Variants in ZNF75D observed in about 807,000 individuals in gnomAD.
ZNF75D encodes zinc finger protein 75D.
Under a neutral mutation model 33.3 loss-of-function variants are expected in ZNF75D, and 33 were observed. The observed-to-expected ratio is 0.99, with a 90% CI of 0.75 to 1.32. The LOEUF is 1.32. Among genes scored for constraint, ZNF75D ranks in the 40% most tolerant of loss-of-function variants. The probability of loss-of-function intolerance (pLI) is 0.00; values close to 1 mark genes in which losing one functional copy is unlikely to be tolerated. For synonymous variants in ZNF75D, 113 were observed against 130.6 expected (o/e 0.87, Z 0.92); for missense variants, 338 against 367.5 (o/e 0.92, Z 0.66).
chrX:135,312,774 G>A (rs1237804345), intron 1 of ZNF75D, among the ~76,000 whole-genome samples: 5 of 108,834 alleles, frequency 4.6e-5, no homozygotes, highest in Non-Finnish European at 7.6e-5. Flanking sequence ...TACTTTTTTC[G>A]TATACCTGTT....
At chrX:135,297,232 T>G (rs2084143478) in intron 1 of ZNF75D, 1 of 112,084 alleles carries the variant, frequency 8.9e-6, no homozygotes, top group African/African-American at 3.2e-5. Context: ...AAAAAGCACC[T>G]GTTTGATTCT....
At chrX:135,335,771 T>C (rs2084703284) in intron 1 of ZNF75D, among the ~76,000 whole-genome samples, 1 of 111,726 alleles carries the variant, frequency 9.0e-6, no homozygotes, top group Non-Finnish European at 1.9e-5. Context: ...AGCTCAATGA[T>C]CCACCGCAAG....
intron 1 of ZNF75D, among the ~76,000 whole-genome samples, chrX:135,314,860 T>C (rs1429227978): frequency 1.8e-5 from 2 of 111,963 alleles, no homozygotes; most frequent in Non-Finnish European, 3.8e-5. Context: ...TTGGGTCTTC[T>C]CTCTTCTTGA....
chrX:135,253,760 A>G (rs2083792871), intron 2 of ZNF75D, among the ~76,000 whole-genome samples: 2 of 107,743 alleles, frequency 1.9e-5, no homozygotes, highest in Admixed American at 2.0e-4. Flanking sequence ...AATCTGAAAA[A>G]CACTGCAAAG....
chrX:135,298,728 C>A lies in ZNF75D; in HGVS notation c.-390-2689G>T, dbSNP rs189605177. 8.1e-5 allele frequency: 9 copies of A among 111,510 alleles called. No homozygotes were observed. In the Admixed American group the frequency reaches 8.6e-4, roughly 11 times the overall value. 9.2% of individuals were successfully genotyped at this position (111,510 alleles called of 1,213,427 possible). ...AATCAATTATAGAATATTTACCTCA[C>A]CCCGCAAAAAAATATTGAACCATGC... On this transcript the variant is annotated intron_variant, in intron 1 of 6. Coordinates refer to ENST00000370766, the MANE Select transcript of ZNF75D (RefSeq NM_007131.5).
downstream of ZNF75D, among the ~76,000 whole-genome samples, chrX:135,280,894 G>A (rs991740597): frequency 8.9e-6 from 1 of 111,875 alleles, no homozygotes; most frequent in Non-Finnish European, 1.9e-5. Context: ...TGGGTAGTCC[G>A]ACCTTTCTCT....
At chrX:135,315,998 C>T (rs5930688) in intron 1 of ZNF75D, among the ~76,000 whole-genome samples, 28,126 of 111,228 alleles carry the variant, frequency 0.25, 2,816 homozygotes, top group South Asian at 0.43. Flanking sequence ...TGTATAATCT[C>T]TGTTCCTTTT....
At position 135,303,855 on chromosome X, in the gene ZNF75D, G is replaced by A. The variant is rs140222777; in HGVS notation, c.-390-7816C>T. Among the ~76,000 whole-genome samples the A allele has an allele frequency of 9.1e-3, 1,021 of 112,392 alleles. 5 individuals carry two copies. The highest frequency in any genetic ancestry group is 0.015 in the Admixed American group (164 of 10,659). On this transcript the variant is annotated intron_variant, in intron 1 of 6. Transcript: ENST00000370766. ...TATAGCCTCTTTCTAAGCCCCTATA[G>A]CCTGCATTGCTGTAAACAGGCACTA...
At chrX:135,261,333 T>A (rs1055814632) in intron 1 of ZNF75D, among the ~76,000 whole-genome samples, 26 of 112,188 alleles carry the variant, frequency 2.3e-4, no homozygotes, top group African/African-American at 8.1e-4. Context: ...CAGAGCTGAG[T>A]TCAGGTCCTG....
rs1292369887 is a variant in ZNF75D at position 135,286,182 on chromosome X, A to C, written c.*955T>G. 1 of 111,847 alleles carries C rather than the reference A, an allele frequency of 8.9e-6. No individual in the cohort carries two copies. Among genetic ancestry groups the C allele is most frequent in the African/African-American group, 3.3e-5 (1 of 30,700 alleles). The allele number at this position is 111,847 out of a possible 1,213,427, so 9.2% of individuals were successfully genotyped here. A position where few individuals can be genotyped will look rare whatever the true frequency, so the allele number is the denominator to read the frequency against. On this transcript the variant is annotated 3_prime_UTR_variant, in exon 7 of 7. Coordinates refer to ENST00000370766, the MANE Select transcript of ZNF75D (RefSeq NM_007131.5). ...AAGGCTCTCCTTGCCATTCTCAATA[A>C]ATCAGTTTTGCAAAATCTCCAGGCC...
chrX:135,261,795 C>T (rs1167970938), intron 1 of ZNF75D, among the ~76,000 whole-genome samples: 1 of 111,711 alleles, frequency 9.0e-6, no homozygotes, highest in Non-Finnish European at 1.9e-5. Flanking sequence ...AGCTTATTTA[C>T]CTTTAAGGTT....
chrX:135,295,055 G>A (rs1365813701), intron 2 of ZNF75D, among the ~76,000 whole-genome samples: 1 of 111,921 alleles, frequency 8.9e-6, no homozygotes, highest in Non-Finnish European at 1.9e-5. Flanking sequence ...GAGAGATGGT[G>A]ATGATTAAGG....
At chrX:135,299,798 T>A (rs1282499723) in intron 1 of ZNF75D, among the ~76,000 whole-genome samples, 1 of 112,620 alleles carries the variant, frequency 8.9e-6, no homozygotes, top group African/African-American at 3.2e-5. Context: ...TTGTGTATGA[T>A]CTAAGATAGA....
intron 2 of ZNF75D, among the ~76,000 whole-genome samples, chrX:135,253,745 C>T (rs2148457387): frequency 9.3e-6 from 1 of 107,787 alleles, no homozygotes; most frequent in African/African-American, 3.4e-5. Context: ...ATCTCTCCCA[C>T]CATCAATCTG....
At position 135,287,082 on chromosome X, in the gene ZNF75D, A is replaced by T; in HGVS notation, c.*55T>A. ...ACAGATTCCTATCATTGGGTGCCTC[A>T]TAATTTTGTATTCTTTCACCACTTC... On this transcript the variant is annotated 3_prime_UTR_variant, in exon 7 of 7. Coordinates refer to ENST00000370766, the MANE Select transcript of ZNF75D (RefSeq NM_007131.5). 9.8e-7 allele frequency: 1 copy of T among 1,016,222 alleles called. No individual in the cohort carries two copies. Among genetic ancestry groups the T allele is most frequent in the Non-Finnish European group, 1.4e-6 (1 of 737,603 alleles). The allele number at this position is 1,016,222 out of a possible 1,213,427, so 83.7% of individuals were successfully genotyped here.
chrX:135,270,423 A>G (rs1160156838), intron 1 of ZNF75D, among the ~76,000 whole-genome samples: 13 of 99,335 alleles, frequency 1.3e-4, no homozygotes, highest in African/African-American at 1.8e-4. Context: ...ATATACATAT[A>G]TATTATGTAC....
downstream of ZNF75D, among the ~76,000 whole-genome samples, chrX:135,284,253 A>C (rs1291322195): frequency 8.9e-6 from 1 of 112,242 alleles, no homozygotes; most frequent in Non-Finnish European, 1.9e-5. Flanking sequence ...GCTCATGTCT[A>C]TTAGCCATGT....
chrX:135,321,935 TCTAA>T (rs1281291648), intron 1 of ZNF75D, among the ~76,000 whole-genome samples: 1 of 112,187 alleles, frequency 8.9e-6, no homozygotes, highest in African/African-American at 3.2e-5. Context: ...GAGTAGTTTA[TCTAA>T]CTAACTTGTT....
At position 135,320,047 on chromosome X, in the gene ZNF75D, C is replaced by T. The variant is rs1186530666; in HGVS notation, c.-391+21721G>A. On this transcript the variant is annotated intron_variant, in intron 1 of 6. Transcript: ENST00000370766. ...AGGTGGCTCATGCCTGTAATCCCAG[C>T]ACTTTGGGAGGCCAAGGCAGGCAGG... Among the ~76,000 whole-genome samples the T allele has an allele frequency of 3.6e-5, 4 of 112,236 alleles. No individual in the cohort carries two copies. The Admixed American group carries it at 3.8e-4, about 11-fold the overall frequency.
Sources: gnomAD v4.1 joint callset for allele counts (sites outside exome capture counted in the v4.1 genomes callset) on GRCh38, gnomAD v4.1.1 for gene constraint, MANE v1.5 for transcripts, NCBI Gene and HGNC (gene_info 2026-07-23, HGNC 2026-07-21) for gene names.